The following POLA2 variants were observed in gnomAD, a reference collection of about 807,000 sequenced individuals.
The protein encoded by POLA2 is DNA polymerase alpha 2, accessory subunit, also known as DNA polymerase alpha subunit B.
POLA2 carries 47 observed loss-of-function variants against 82.8 expected under a neutral mutation model. The observed-to-expected ratio is 0.57, with a 90% CI of 0.45 to 0.72. POLA2 has a LOEUF of 0.72. POLA2 is among the 30% of genes least tolerant of loss of function. The probability of loss-of-function intolerance (pLI) is 0.00; values close to 1 mark genes in which losing one functional copy is unlikely to be tolerated. For synonymous variants in POLA2, 287 were observed against 286.8 expected, an observed-to-expected ratio of 1.00 and a Z score of -0.01; for missense variants, 634 against 728.1, an observed-to-expected ratio of 0.87 and a Z score of 1.49.
chr11:65,281,216 T>TG, intron 8 of POLA2, 69 bp downstream of exon 8: 5 of 1,478,354 alleles, frequency 3.4e-6, no homozygotes, highest in Non-Finnish European at 4.7e-6. Flanking sequence ...TGCTGTGCCA[T>TG]GCGCAGCTGC....
intron 11 of POLA2, among the ~76,000 whole-genome samples, chr11:65,288,488 A>G (rs1949720210): frequency 7.1e-6 from 1 of 140,472 alleles, no homozygotes. Flanking sequence ...CCCAGTGTGC[A>G]TTTTTATTGT....
At position 65,287,813 on chromosome 11, in the gene POLA2, C is replaced by G. The variant is rs1209697939; in HGVS notation, c.1104C>G (p.Asn368Lys). The G allele has an allele frequency of 6.2e-7, 1 of 1,613,872 alleles. No individual in the cohort carries two copies. Among genetic ancestry groups the G allele is most frequent in the Non-Finnish European group, 8.5e-7 (1 of 1,179,934 alleles). Residue 368 changes from asparagine (N) to lysine (K), a missense_variant, in exon 11 of 18, where the codon AAC (asparagine) becomes AAG (lysine). Physicochemically the swap from Asn to Lys is moderately conservative, Grantham distance 94 (BLOSUM62 0). Coordinates refer to ENST00000265465, the MANE Select transcript of POLA2 (RefSeq NM_002689.4). ...TGCTTGACCTGATTGCTGTCATCAA[C>G]CATGACCGGCCAGATGTCTGCATCC... ...DPLLDLIAVI[N>K]HDRPDVCILF... is the part of the protein sequence containing the mutation.
chr11:65,277,611 T>C (rs1949595474), intron 5 of POLA2, among the ~76,000 whole-genome samples: 1 of 152,242 alleles, frequency 6.6e-6, no homozygotes, highest in African/African-American at 2.4e-5. Flanking sequence ...ATGGTTCTTA[T>C]AGACGTGCCA....
At chr11:65,295,786 C>A in intron 16 of POLA2, 78 bp from the exon 17 acceptor site, 1 of 1,540,792 alleles carries the variant, frequency 6.5e-7, no homozygotes, top group Non-Finnish European at 8.9e-7. Context: ...AGCACGAAAG[C>A]CAGTACCTAG....
chr11:65,282,555 A>T, intron 10 of POLA2, 34 bp downstream of exon 10: 2 of 1,576,802 alleles, frequency 1.3e-6, no homozygotes, highest in Non-Finnish European at 1.7e-6. Flanking sequence ...TTTGCCAACA[A>T]TGAGGATGGT....
At chr11:65,300,730 C>T (rs1441981597), downstream of POLA2, among the ~76,000 whole-genome samples, 1 of 152,070 alleles carries the variant, frequency 6.6e-6, no homozygotes, top group Non-Finnish European at 1.5e-5. Flanking sequence ...TTACAGGCAC[C>T]CGCCACCGTG....
intron 17 of POLA2, chr11:65,296,296 A>G: frequency 3.5e-6 from 1 of 289,158 alleles, no homozygotes; most frequent in East Asian, 7.5e-5. Flanking sequence ...GGAAGATTTC[A>G]TATGTACACT....
At chr11:65,302,314 C>T (rs1376340631), downstream of POLA2, among the ~76,000 whole-genome samples, 1 of 152,134 alleles carries the variant, frequency 6.6e-6, no homozygotes, top group African/African-American at 2.4e-5. Context: ...GTAGAGGCAC[C>T]CCTAGCCCCG....
rs41544113 is a variant in POLA2 at position 65,280,603 on chromosome 11, A to G, written c.745-389A>G. The stretch of plus-strand genomic sequence containing the variant: ...AATGCCTAAGAATACATTTTAGAAC[A>G]GTGCATGGTATTTAGTAAGCTCAAG... On this transcript the variant is annotated intron_variant, in intron 7 of 17. Transcript: ENST00000265465. 3.0e-3 allele frequency: 536 copies of G among 177,732 alleles called. 2 individuals carry two copies. The highest frequency in any genetic ancestry group is 5.1e-3 in the Non-Finnish European group (424 of 83,720). The allele number at this position is 177,732 out of a possible 1,614,324, so 11.0% of individuals were successfully genotyped here.
rs1949791452 is a variant in POLA2 at position 65,294,666 on chromosome 11, T to C, written c.1460+14T>C. 2 of 1,562,744 alleles carry C rather than the reference T, an allele frequency of 1.3e-6. No individual in the cohort carries two copies. Among genetic ancestry groups the C allele is most frequent in the South Asian group, 2.2e-5 (2 of 89,324 alleles). ...GGAGATCAGTAGGTAAGAAGTGTGT[T>C]CCAGGCCCCAAGCAGGATGACTGGC... On this transcript the variant is annotated intron_variant, in intron 15 of 17. Transcript: ENST00000265465.
downstream of POLA2, among the ~76,000 whole-genome samples, chr11:65,301,187 G>A (rs757356805): frequency 7.9e-5 from 12 of 152,074 alleles, no homozygotes; most frequent in Non-Finnish European, 1.8e-4. Context: ...GGGCGAGAGA[G>A]GGGTAAAAGA....
chr11:65,281,003 T>G lies in POLA2; in HGVS notation c.756T>G (p.Thr252=). 1 of 1,613,824 alleles carries G rather than the reference T, an allele frequency of 6.2e-7. No individual in the cohort carries two copies. Among genetic ancestry groups the G allele is most frequent in the South Asian group, 1.1e-5 (1 of 91,052 alleles). The stretch of plus-strand genomic sequence containing the variant: ...CCTTCCTTTGGTAGGAGCCTGTCAC[T>G]CTGCTGGGCCAGATTGGCTGTGATA... The part of the protein sequence containing the change: ...PLLAPAQEPV[T]LLGQIGCDSN... The change falls in exon 8 of 18, where the codon ACT becomes ACG. Residue 252 remains threonine, a synonymous_variant. Transcript: ENST00000265465.
intron 11 of POLA2, 69 bp from the exon 12 acceptor site, chr11:65,288,981 T>C: frequency 7.1e-7 from 1 of 1,408,432 alleles, no homozygotes; most frequent in South Asian, 1.2e-5. Flanking sequence ...AGAGGAGGTA[T>C]CTGAAGTCAT....
At chr11:65,269,174 C>T (rs1056238800) in intron 4 of POLA2, among the ~76,000 whole-genome samples, 1 of 152,098 alleles carries the variant, frequency 6.6e-6, no homozygotes, top group Non-Finnish European at 1.5e-5. Context: ...AGGATTCATT[C>T]ATTCAGTTAT....
At chr11:65,305,444 C>A (rs1949882157) in exon 9 of POLA2, 1 of 454,486 alleles carries the variant, frequency 2.2e-6, no homozygotes, top group South Asian at 1.6e-5. Context: ...GGAGAAACAG[C>A]CCTGTTGACT....
At position 65,295,928 on chromosome 11, in the gene POLA2, G is replaced by C. The variant is rs546255396; in HGVS notation, c.1585G>C (p.Ala529Pro). 6.2e-7 allele frequency: 1 copy of C among 1,614,046 alleles called. No individual in the cohort carries two copies. Among genetic ancestry groups the C allele is most frequent in the Non-Finnish European group, 8.5e-7 (1 of 1,179,938 alleles). Residue 529 changes from alanine to proline, a missense_variant, in exon 17 of 18, where the codon GCA becomes CCA. Coordinates refer to ENST00000265465, the MANE Select transcript of POLA2 (RefSeq NM_002689.4). ...AIDYESFYVY[A>P]QLPVTPDVLI... ...TGACTATGAGTCGTTCTATGTTTAC[G>C]CACAGCTGCCTGTCACCCCAGATGT...
At chr11:65,287,922 C>A in intron 11 of POLA2, 82 bp downstream of exon 11, 1 of 1,304,948 alleles carries the variant, frequency 7.7e-7, no homozygotes, top group South Asian at 1.3e-5. Context: ...GGAAGCATGT[C>A]AGTCCCTCCT....
intron 17 of POLA2, 91 bp from the exon 18 acceptor site, chr11:65,297,029 G>T: frequency 7.5e-7 from 1 of 1,331,732 alleles, no homozygotes; most frequent in Non-Finnish European, 1.1e-6. Context: ...AACCCTCTTT[G>T]GGGTCCAGCC....
downstream of POLA2, among the ~76,000 whole-genome samples, chr11:65,301,629 G>T (rs1019323586): frequency 6.6e-6 from 1 of 152,066 alleles, no homozygotes; most frequent in Non-Finnish European, 1.5e-5. Context: ...GGCAACATCC[G>T]CACCATGGAG....
Sources: allele counts gnomAD v4.1 joint callset (sites outside exome capture counted in the v4.1 genomes callset), GRCh38; gene constraint gnomAD v4.1.1; transcripts MANE v1.5; gene names NCBI Gene and HGNC (gene_info 2026-07-23, HGNC 2026-07-21).